Variants in NDRG2 observed in about 807,000 individuals in gnomAD.
NDRG2 encodes protein NDRG2.
Under a neutral mutation model 58.2 loss-of-function variants are expected in NDRG2, and 34 were observed. The ratio of observed to expected loss-of-function variants is 0.58; its 90% CI spans 0.44 to 0.78. The LOEUF is 0.78. Ranked by LOEUF, NDRG2 falls within the 30% of genes least tolerant of loss-of-function variation. NDRG2 has a pLI of 0.00. For synonymous variants in NDRG2, 187 were observed against 175.9 expected (o/e 1.06, Z -0.50); for missense variants, 434 against 471.2 (o/e 0.92, Z 0.73).
At chr14:21,033,935 C>T in intron 1 of NDRG2, 1 of 1,613,976 alleles carries the variant, frequency 6.2e-7, no homozygotes, top group Non-Finnish European at 8.5e-7. Context: ...TAGTGGGTGG[C>T]TGTTGGTGGC....
intron 1 of NDRG2, among the ~76,000 whole-genome samples, chr14:21,056,291 T>C (rs1175944612): frequency 3.3e-5 from 5 of 152,190 alleles, no homozygotes; most frequent in Non-Finnish European, 1.5e-5. Context: ...AATATCTGCT[T>C]ACCACCCCTA....
chr14:21,022,050 C>T lies in NDRG2; in HGVS notation c.344+12G>A. ...TCACAGTCTGGTGAAGCAGTAACGA[C>T]CTAACTCTTACCCCAAAGGGAACAC... On this transcript the variant is annotated intron_variant, in intron 5 of 15. Transcript: ENST00000556147. The T allele has an allele frequency of 3.1e-6, 5 of 1,614,188 alleles. No homozygotes were observed. Among genetic ancestry groups the T allele is most frequent in the Non-Finnish European group, 4.2e-6 (5 of 1,180,020 alleles).
chr14:21,047,468 G>A (rs143316116), intron 1 of NDRG2, among the ~76,000 whole-genome samples: 3 of 152,194 alleles, frequency 2.0e-5, no homozygotes, highest in Non-Finnish European at 4.4e-5. Flanking sequence ...GCCAGGAATA[G>A]TGATGAAATA....
rs1369344353 is a variant in NDRG2 at position 21,070,604 on chromosome 14, T to C, written c.24+224A>G. Among the ~76,000 whole-genome samples the C allele has an allele frequency of 6.6e-6, 1 of 151,646 alleles. No individual in the cohort carries two copies. Reference sequence around the variant, plus strand: ...TCCCCACCGGGTATTGCCCTCACCCTTTCTTCCTCCTCTCCTCCGCCTCCT... The same window carrying C: ...TCCCCACCGGGTATTGCCCTCACCCCTTCTTCCTCCTCTCCTCCGCCTCCT... On this transcript the variant is annotated intron_variant, in intron 1 of 14. Transcript: ENST00000403829. This position sits in a 1 kb window ranked among gnomAD's most constrained non-coding sequence, Gnocchi z 4.7.
Position 21,022,190 on chromosome 14 carries a change from G to C in NDRG2, c.224-8C>G, listed in dbSNP as rs1880839649. 4 of 1,614,006 alleles carry C rather than the reference G, an allele frequency of 2.5e-6. No homozygotes were observed. The highest frequency in any genetic ancestry group is 2.5e-6 in the Non-Finnish European group (3 of 1,180,030). The stretch of plus-strand genomic sequence containing the variant: ...GCTGGAAGCAAGATTTATCTAAAGA[G>C]AACCCACATCACCTCAACAATAGAA... On this transcript the variant is annotated splice_region_variant and splice_polypyrimidine_tract_variant and intron_variant, in intron 4 of 15. Coordinates refer to ENST00000556147, the MANE Select transcript of NDRG2 (RefSeq NM_001320329.2).
Position 21,021,685 on chromosome 14 carries a change from G to A in NDRG2, c.407+132C>T, listed in dbSNP as rs569848187. 2.7e-4 allele frequency: 260 copies of A among 979,172 alleles called. 7 individuals carry two copies. In the South Asian group the frequency reaches 3.4e-3, roughly 13 times the overall value. The allele number at this position is 979,172 out of a possible 1,614,324, so 60.7% of individuals were successfully genotyped here. A position where few individuals can be genotyped will look rare whatever the true frequency, so the allele number is the denominator to read the frequency against. On this transcript the variant is annotated intron_variant, in intron 6 of 15. Transcript: ENST00000556147. ...CCTTTTCTCAATAATCAAGGCGGGA[G>A]CATGAAGGAAGAAGATATATTGAGT...
rs1236614655 is a variant in NDRG2 at position 21,068,166 on chromosome 14, A to AT, written c.24+2661dup. Among the ~76,000 whole-genome samples the AT allele has an allele frequency of 1.9e-4, 9 of 46,866 alleles. 4 individuals carry two copies. The highest frequency in any genetic ancestry group is 3.7e-4 in the Non-Finnish European group (6 of 16,048). The allele number at this position is 46,866 out of a possible 152,430, so 30.7% of individuals were successfully genotyped here. ...AGGCGCCCGCTACCACGCCCGGCTAATTTTTTGTATTTTTAGTAGAGACGG... is the reference window on the plus strand; with the variant it reads ...AGGCGCCCGCTACCACGCCCGGCTAATTTTTTTGTATTTTTAGTAGAGACGG... On this transcript the variant is annotated intron_variant, in intron 1 of 14. Transcript: ENST00000403829.
intron 1 of NDRG2, among the ~76,000 whole-genome samples, chr14:21,054,889 A>T (rs1885608751): frequency 6.6e-6 from 1 of 152,128 alleles, no homozygotes. Context: ...TGTACCGAGC[A>T]CATTTTAGAT....
In NDRG2 at chr14:21,022,445, G is replaced by T; in HGVS notation, c.170C>A (p.Thr57Asn). ...GATCGCTGGGCGTTTGGGTTTGGGG[G>T]TGCCATAGACAGTGAAAGTGACAGA... Reference protein sequence around the residue: ...YGSVTFTVYGTPKPKRPAILT... With the variant: ...YGSVTFTVYGNPKPKRPAILT... The change falls in exon 4 of 16, where the codon ACC becomes AAC. Residue 57 changes from threonine (T) to asparagine (N), a missense_variant. Thr to Asn is a moderately conservative substitution (Grantham distance 65). Transcript: ENST00000556147. The T allele has an allele frequency of 6.2e-7, 1 of 1,614,124 alleles. No individual in the cohort carries two copies.
At chr14:21,018,646 G>T in intron 12 of NDRG2, 117 bp downstream of exon 12, 1 of 1,565,786 alleles carries the variant, frequency 6.4e-7, no homozygotes. Context: ...AATTCTTAGT[G>T]CCCCAAAGTT....
intron 1 of NDRG2, among the ~76,000 whole-genome samples, chr14:21,039,542 T>C (rs1044882746): frequency 1.3e-5 from 2 of 152,190 alleles, no homozygotes; most frequent in Non-Finnish European, 2.9e-5. Flanking sequence ...TCCTCCATCT[T>C]TTTCTGTTGC....
intron 1 of NDRG2, chr14:21,033,963 A>T (rs1884434076): frequency 1.9e-6 from 3 of 1,614,026 alleles, no homozygotes; most frequent in Non-Finnish European, 2.5e-6. Flanking sequence ...GCAGACCGTG[A>T]TGGGGAGGGA....
chr14:21,018,264 AAAAGTG>A (rs1421788177), intron 13 of NDRG2, 25 bp from the exon 14 acceptor site: 1 of 1,613,658 alleles, frequency 6.2e-7, no homozygotes, highest in Non-Finnish European at 8.5e-7. Flanking sequence ...ACCACCCAGA[AAAAGTG>A]AAACACACAT....
At position 21,022,539 on chromosome 14, in the gene NDRG2, C is replaced by A. The variant is rs760655272; in HGVS notation, c.118-42G>T. 5 of 1,485,840 alleles carry A rather than the reference C, an allele frequency of 3.4e-6. No individual in the cohort carries two copies. The South Asian group carries it at 3.4e-5, about 10-fold the overall frequency. The allele number at this position is 1,485,840 out of a possible 1,614,324, so 92.0% of individuals were successfully genotyped here. A position where few individuals can be genotyped will look rare whatever the true frequency, so the allele number is the denominator to read the frequency against. On this transcript the variant is annotated intron_variant, in intron 3 of 15. Coordinates refer to ENST00000556147, the MANE Select transcript of NDRG2 (RefSeq NM_001320329.2). ...CACCAAGAGCTAGGCTCAGAGGAGA[C>A]GAGGCCAGAAAAGGAGCAACACCAA...
intron 10 of NDRG2, 69 bp downstream of exon 10, chr14:21,019,570 G>A: frequency 9.7e-7 from 1 of 1,036,128 alleles, no homozygotes; most frequent in Non-Finnish European, 1.5e-6. Flanking sequence ...CCTCCTCTGT[G>A]CCTCCCCCAT....
chr14:21,023,679 T>A, intron 1 of NDRG2: 1 of 233,238 alleles, frequency 4.3e-6, no homozygotes, highest in Non-Finnish European at 8.6e-6. Flanking sequence ...CCCCACACTC[T>A]CAGGTAGGGA....
intron 1 of NDRG2, among the ~76,000 whole-genome samples, chr14:21,060,130 T>G (rs1431195691): frequency 6.6e-6 from 1 of 152,172 alleles, no homozygotes; most frequent in Non-Finnish European, 1.5e-5. Context: ...AAAGAGAGTT[T>G]CCTACACAGG....
At chr14:21,063,051 G>A (rs1251773554) in intron 1 of NDRG2, among the ~76,000 whole-genome samples, 1 of 151,882 alleles carries the variant, frequency 6.6e-6, no homozygotes, top group Non-Finnish European at 1.5e-5. Context: ...GATTGCTTGA[G>A]CCCAGGAGGT....
chr14:21,045,717 A>G (rs1302986994), intron 1 of NDRG2, among the ~76,000 whole-genome samples: 1 of 152,232 alleles, frequency 6.6e-6, no homozygotes, highest in African/African-American at 2.4e-5. Context: ...AGAATTTCCA[A>G]CTAAAACTTT....
Sources: allele counts gnomAD v4.1 joint callset (sites outside exome capture counted in the v4.1 genomes callset), GRCh38; gene constraint gnomAD v4.1.1; non-coding constraint Gnocchi (gnomAD v3.1); transcripts MANE v1.5; gene names NCBI Gene and HGNC (gene_info 2026-07-23, HGNC 2026-07-21).